The following ARB2A variants were observed in gnomAD, a reference collection of about 807,000 sequenced individuals.
ARB2A encodes the protein ARB2 cotranscriptional regulator A, also known as cotranscriptional regulator ARB2A.
the ARB2A span, among the ~76,000 whole-genome samples, chr5:94,036,938 A>T: frequency 6.6e-6 from 1 of 152,090 alleles, no homozygotes; most frequent in African/African-American, 2.4e-5. Flanking sequence ...TAGATCTCTA[A>T]TTCATTTGGA....
the ARB2A span, among the ~76,000 whole-genome samples, chr5:93,708,526 G>A: frequency 1.3e-5 from 2 of 152,168 alleles, no homozygotes; most frequent in African/African-American, 4.8e-5. Flanking sequence ...ATTCTCATAA[G>A]AAGCTCAACC....
chr5:93,782,652 A>G, the ARB2A span, among the ~76,000 whole-genome samples: 1 of 152,184 alleles, frequency 6.6e-6, no homozygotes, highest in Non-Finnish European at 1.5e-5. Context: ...GAACTTTTTT[A>G]AAGTGCCAAG....
chr5:93,790,718 C>T, the ARB2A span, among the ~76,000 whole-genome samples: 2 of 152,076 alleles, frequency 1.3e-5, no homozygotes, highest in Admixed American at 1.3e-4. Flanking sequence ...AGTCCCTTTA[C>T]CACCTTGTTT....
the ARB2A span, among the ~76,000 whole-genome samples, chr5:94,027,802 A>G: frequency 6.6e-6 from 1 of 152,206 alleles, no homozygotes; most frequent in East Asian, 1.9e-4. Context: ...GAGGGGGTTC[A>G]TGGGACCTGA....
At chr5:94,014,019 C>A in the ARB2A span, among the ~76,000 whole-genome samples, 1 of 152,190 alleles carries the variant, frequency 6.6e-6, no homozygotes, top group Non-Finnish European at 1.5e-5. Context: ...CTTGGGGTCC[C>A]TGGCAAAAAT....
At chr5:93,797,389 T>G in the ARB2A span, among the ~76,000 whole-genome samples, 1 of 152,128 alleles carries the variant, frequency 6.6e-6, no homozygotes, top group Non-Finnish European at 1.5e-5. Context: ...ATTTCATGAG[T>G]ATGAAATAAT....
the ARB2A span, among the ~76,000 whole-genome samples, chr5:93,838,497 T>C: frequency 0.013 from 1,959 of 152,254 alleles, 21 homozygotes; most frequent in Admixed American, 0.025. Context: ...TTTGGTTTCA[T>C]GTGAATTTTT....
chr5:93,837,822 T>G, the ARB2A span, among the ~76,000 whole-genome samples: 1 of 152,204 alleles, frequency 6.6e-6, no homozygotes. Context: ...TTGAAAAGTG[T>G]TCATGTACTC....
chr5:93,706,859 C>G, the ARB2A span, among the ~76,000 whole-genome samples: 1 of 139,394 alleles, frequency 7.2e-6, no homozygotes, highest in African/African-American at 2.9e-5. Flanking sequence ...AACAAGATTC[C>G]GTCAAAAAAA....
the ARB2A span, among the ~76,000 whole-genome samples, chr5:93,759,186 A>G: frequency 6.6e-6 from 1 of 152,184 alleles, no homozygotes; most frequent in Admixed American, 6.5e-5. Context: ...CAACCCTCCT[A>G]GCTTAAATCA....
the ARB2A span, among the ~76,000 whole-genome samples, chr5:93,860,211 T>A: frequency 6.6e-6 from 1 of 152,090 alleles, no homozygotes; most frequent in Admixed American, 6.5e-5. Flanking sequence ...GAGAATCACA[T>A]GAACCCAGGA....
chr5:94,048,083 C>T, the ARB2A span, among the ~76,000 whole-genome samples: 39 of 100,772 alleles, frequency 3.9e-4, no homozygotes, highest in African/African-American at 9.9e-4. Context: ...GAGACAGAGT[C>T]TTACTGTGTC....
chr5:94,089,200 A>G, the ARB2A span, among the ~76,000 whole-genome samples: 3 of 152,206 alleles, frequency 2.0e-5, no homozygotes, highest in African/African-American at 4.8e-5. Flanking sequence ...TGCTGAAAAT[A>G]CTGCTTTTTC....
chr5:93,941,001 A>G, the ARB2A span, among the ~76,000 whole-genome samples: 6 of 152,206 alleles, frequency 3.9e-5, no homozygotes, highest in Non-Finnish European at 8.8e-5. Context: ...CCACAGGTAT[A>G]GTGAGAAATG....
At chr5:94,005,163 A>T in the ARB2A span, among the ~76,000 whole-genome samples, 2 of 151,746 alleles carry the variant, frequency 1.3e-5, no homozygotes, top group East Asian at 3.9e-4. Context: ...GGGAAGGTAC[A>T]ATTTGGAAGA....
At chr5:93,664,634 AATATAT>A in the ARB2A span, among the ~76,000 whole-genome samples, 1 of 145,960 alleles carries the variant, frequency 6.9e-6, no homozygotes, top group African/African-American at 2.5e-5. Context: ...TCGTCTCAAA[AATATAT>A]ATATATATAT....
chr5:94,094,763 C>T, the ARB2A span, among the ~76,000 whole-genome samples: 1 of 152,172 alleles, frequency 6.6e-6, no homozygotes, highest in Non-Finnish European at 1.5e-5. Context: ...AACTACCCCA[C>T]TTCTCACACC....
chr5:93,973,483 G>A, the ARB2A span, among the ~76,000 whole-genome samples: 1 of 152,076 alleles, frequency 6.6e-6, no homozygotes, highest in Non-Finnish European at 1.5e-5. Flanking sequence ...TAAGCAACTA[G>A]GAAAACATAT....
the ARB2A span, among the ~76,000 whole-genome samples, chr5:93,913,889 C>T: frequency 6.6e-6 from 1 of 151,834 alleles, no homozygotes; most frequent in Non-Finnish European, 1.5e-5. Context: ...TTTAATCACA[C>T]CAATTTAATG....
Sources: gnomAD v4.1 joint callset for allele counts (sites outside exome capture counted in the v4.1 genomes callset) on GRCh38, gnomAD v4.1.1 for gene constraint, MANE v1.5 for transcripts, NCBI Gene and HGNC (gene_info 2026-07-23, HGNC 2026-07-21) for gene names.